Variants in GRM5 observed in about 807,000 individuals in gnomAD.
GRM5 encodes the protein glutamate metabotropic receptor 5.
GRM5 carries 19 observed loss-of-function variants against 83.1 expected under a neutral mutation model. That is an observed-to-expected ratio of 0.23 (90% CI 0.16 to 0.34). The LOEUF (loss-of-function observed/expected upper bound fraction) is 0.34. Among genes scored for constraint, GRM5 ranks in the 10% least tolerant of loss-of-function variants. The pLI, the probability that GRM5 is intolerant of heterozygous loss-of-function variation, is 1.00. For missense variants in GRM5, 1,160 were observed against 1,588.3 expected (o/e 0.73, Z 4.58); for synonymous variants, 675 against 633.6 (o/e 1.07, Z -0.98).
At position 88,716,922 on chromosome 11, in the gene GRM5, C is replaced by G. The variant is rs184623116; in HGVS notation, c.912-63519G>C. On this transcript the variant is annotated intron_variant, in intron 3 of 9. Coordinates refer to ENST00000305447, the MANE Select transcript of GRM5 (RefSeq NM_001143831.3). ...TTTTTCTAAGGCCCAGAATGCCCCACTGTTTTATTTGGTTTGCTTTGCACT... is the reference window on the plus strand; with the variant it reads ...TTTTTCTAAGGCCCAGAATGCCCCAGTGTTTTATTTGGTTTGCTTTGCACT... Among the ~76,000 whole-genome samples, 9 of 152,056 alleles carry G rather than the reference C, an allele frequency of 5.9e-5. No individual in the cohort carries two copies. In the East Asian group the frequency reaches 1.7e-3, roughly 29 times the overall value.
In GRM5 at chr11:88,985,857, T is replaced by TA. The variant is rs538404338; in HGVS notation, c.661+61354dup. Among the ~76,000 whole-genome samples, 450 of 152,284 alleles carry TA rather than the reference T, an allele frequency of 3.0e-3. 1 individual carries two copies. The highest frequency in any genetic ancestry group is 6.5e-3 in the Admixed American group (99 of 15,296). On this transcript the variant is annotated intron_variant, in intron 2 of 9. Transcript: ENST00000305447. ...GGGTAAGTTATCAAAACATAACTGC[T>TA]AGTGTGTCTAAAATGCAAAATTACA...
At chr11:88,621,626 C>T (rs1208491411) in intron 4 of GRM5, among the ~76,000 whole-genome samples, 2 of 152,126 alleles carry the variant, frequency 1.3e-5, no homozygotes, top group Non-Finnish European at 2.9e-5. Context: ...ACATAATTAA[C>T]ACTTTCCATC....
chr11:88,749,521 A>C (rs1026946798), intron 3 of GRM5, among the ~76,000 whole-genome samples: 4 of 152,206 alleles, frequency 2.6e-5, no homozygotes, highest in African/African-American at 9.6e-5. Flanking sequence ...GACATACTTC[A>C]TGGTATCATT....
chr11:88,743,702 C>G (rs958109995), intron 3 of GRM5, among the ~76,000 whole-genome samples: 1 of 152,128 alleles, frequency 6.6e-6, no homozygotes, highest in African/African-American at 2.4e-5. Flanking sequence ...GTGAACCAAA[C>G]AGCCTGGCTG....
At chr11:88,987,484 A>C (rs1330787233) in intron 2 of GRM5, among the ~76,000 whole-genome samples, 14 of 151,912 alleles carry the variant, frequency 9.2e-5, no homozygotes, top group Non-Finnish European at 1.9e-4. Flanking sequence ...GCAGCCAGGA[A>C]GCTCGAACTG....
At chr11:88,552,856 T>C (rs910990358) in intron 8 of GRM5, among the ~76,000 whole-genome samples, 1 of 152,096 alleles carries the variant, frequency 6.6e-6, no homozygotes, top group Admixed American at 6.6e-5. Flanking sequence ...GAGCAGTGTC[T>C]GTACAGTGAA....
In GRM5 at chr11:88,885,450, G is replaced by GTTTTTTTTTTTTTTTTTT. The variant is rs61456975; in HGVS notation, c.662-35313_662-35296dup. ...TTCTGAATTCTATAGTAGGTACCAT[G>GTTTTTTTTTTTTTTTTTT]TTTTTTTTTTTTTTTTTTTTTTTTT... On this transcript the variant is annotated intron_variant, in intron 2 of 9. Coordinates refer to ENST00000305447, the MANE Select transcript of GRM5 (RefSeq NM_001143831.3). 8.0e-5 allele frequency among the ~76,000 whole-genome samples: 5 copies of GTTTTTTTTTTTTTTTTTT among 62,666 alleles called. 1 individual carries two copies. The highest frequency in any genetic ancestry group is 5.4e-4 in the East Asian group (1 of 1,840). 41.1% of individuals were successfully genotyped at this position (62,666 alleles called of 152,430 possible).
chr11:88,954,508 A>T (rs897545058), intron 2 of GRM5, among the ~76,000 whole-genome samples: 3 of 152,208 alleles, frequency 2.0e-5, no homozygotes, highest in African/African-American at 7.2e-5. Flanking sequence ...TAGTAATATA[A>T]TCAGGTCTAA....
In GRM5 at chr11:88,850,140, C is replaced by G; in HGVS notation, c.677G>C (p.Ser226Thr). 3 of 1,306,556 alleles carry G rather than the reference C, an allele frequency of 2.3e-6. No homozygotes were observed. Among genetic ancestry groups the G allele is most frequent in the Non-Finnish European group, 3.3e-6 (3 of 900,168 alleles). 80.9% of individuals were successfully genotyped at this position (1,306,556 alleles called of 1,614,324 possible). Reference protein sequence around the residue: ...AVHTEGNYGESGMEAFKDMSA... With the variant: ...AVHTEGNYGETGMEAFKDMSA... ...CATATCTTTGAAGGCTTCCATCCCA[C>G]TTTCTCCATAGTTGCCTGTGTGAAA... The change falls in exon 3 of 10, where the codon AGT becomes ACT. Residue 226 changes from serine to threonine, a missense_variant. Ser to Thr is a moderately conservative substitution (Grantham distance 58, BLOSUM62 1). This residue lies in a region of GRM5 where 84 missense variants were observed against 231.0 expected (regional missense o/e 0.36). Transcript: ENST00000305447.
intron 3 of GRM5, among the ~76,000 whole-genome samples, chr11:88,833,261 T>TAAA (rs796930729): frequency 2.7e-5 from 4 of 148,460 alleles, no homozygotes; most frequent in Non-Finnish European, 1.5e-5. Flanking sequence ...CTTAACAGCT[T>TAAA]AAAAAAAAAA....
At chr11:88,701,825 CAAGG>C (rs1941043331) in intron 3 of GRM5, among the ~76,000 whole-genome samples, 1 of 152,088 alleles carries the variant, frequency 6.6e-6, no homozygotes, top group African/African-American at 2.4e-5. Context: ...TAGGTTAAGA[CAAGG>C]AAGGCTGTTA....
intron 8 of GRM5, among the ~76,000 whole-genome samples, chr11:88,565,382 G>A (rs937824732): frequency 5.3e-5 from 8 of 152,276 alleles, no homozygotes; most frequent in African/African-American, 1.9e-4. Context: ...AAACAATCTG[G>A]CTAGGCAGCC....
chr11:89,029,828 C>T (rs545217611), intron 2 of GRM5, among the ~76,000 whole-genome samples: 14 of 152,194 alleles, frequency 9.2e-5, no homozygotes, highest in South Asian at 4.1e-4. Context: ...TGAATAATCA[C>T]GGTAAGGTGG....
At chr11:88,818,941 T>G (rs566882513) in intron 3 of GRM5, among the ~76,000 whole-genome samples, 1 of 152,338 alleles carries the variant, frequency 6.6e-6, no homozygotes, top group Non-Finnish European at 1.5e-5. Flanking sequence ...CATTTGTCCT[T>G]GATAAATTTC....
At chr11:89,043,098 A>G (rs1343092989) in intron 2 of GRM5, among the ~76,000 whole-genome samples, 1 of 152,184 alleles carries the variant, frequency 6.6e-6, no homozygotes, top group Non-Finnish European at 1.5e-5. Context: ...AAGAAGCAAA[A>G]CTAAAAACTT....
intron 2 of GRM5, among the ~76,000 whole-genome samples, chr11:89,023,140 A>AGTGTGTGT (rs61343398): frequency 9.3e-4 from 137 of 146,838 alleles, no homozygotes; most frequent in African/African-American, 1.3e-3. Context: ...ATATGCAAAG[A>AGTGTGTGT]GTGTGTGTGT....
intron 3 of GRM5, among the ~76,000 whole-genome samples, chr11:88,713,478 T>A (rs1005287765): frequency 1.3e-5 from 2 of 151,918 alleles, no homozygotes; most frequent in African/African-American, 4.8e-5. Flanking sequence ...TGCTGACGAG[T>A]TGTTTATTAT....
intron 3 of GRM5, among the ~76,000 whole-genome samples, chr11:88,730,915 G>A (rs1275376420): frequency 6.6e-6 from 1 of 152,120 alleles, no homozygotes; most frequent in African/African-American, 2.4e-5. Context: ...AATACCTAAT[G>A]TAGATGATGG....
intron 2 of GRM5, among the ~76,000 whole-genome samples, chr11:88,857,788 A>G (rs1944500657): frequency 6.6e-6 from 1 of 152,110 alleles, no homozygotes; most frequent in Non-Finnish European, 1.5e-5. Flanking sequence ...AGGAAGTTAA[A>G]TGATGCAAGA....
Sources: gnomAD v4.1 joint callset for allele counts (sites outside exome capture counted in the v4.1 genomes callset) on GRCh38, gnomAD v4.1.1 for gene constraint, gnomAD v4.1.1 regional missense constraint, MANE v1.5 for transcripts, NCBI Gene and HGNC (gene_info 2026-07-23, HGNC 2026-07-21) for gene names.